PPP2R2A: variants seen among roughly 807,000 people sequenced by gnomAD.
The protein encoded by PPP2R2A is protein phosphatase 2 regulatory subunit Balpha.
PPP2R2A carries 9 observed loss-of-function variants against 53.2 expected under a neutral mutation model. The observed-to-expected ratio is 0.17, with a 90% CI of 0.10 to 0.30. The LOEUF is 0.30. Among genes scored for constraint, PPP2R2A ranks in the 10% least tolerant of loss-of-function variants. The probability of loss-of-function intolerance (pLI) is 1.00; values close to 1 mark genes in which losing one functional copy is unlikely to be tolerated. For synonymous variants in PPP2R2A, 169 were observed against 174.2 expected (o/e 0.97, Z 0.23); for missense variants, 235 against 534.6 (o/e 0.44, Z 5.53).
At chr8:26,314,263 C>T (rs1301589157) in intron 2 of PPP2R2A, among the ~76,000 whole-genome samples, 2 of 152,194 alleles carry the variant, frequency 1.3e-5, no homozygotes, top group South Asian at 4.1e-4. Context: ...TATTGAAGCA[C>T]ATCAGATGTT....
chr8:26,321,796 T>G lies in PPP2R2A; in HGVS notation c.83-17094T>G, dbSNP rs891676689. Among the ~76,000 whole-genome samples the G allele has an allele frequency of 1.3e-5, 2 of 152,188 alleles. No individual in the cohort carries two copies. Among genetic ancestry groups the G allele is most frequent in the African/African-American group, 2.4e-5 (1 of 41,446 alleles). On this transcript the variant is annotated intron_variant, in intron 2 of 9. Transcript: ENST00000380737. This position sits in a 1 kb window ranked among gnomAD's most constrained non-coding sequence, Gnocchi z 4.1. ...TCACACCTAGATTCCTGACCTGTTA[T>G]GAGATAATAAGTGTTTGTTGTTTTA...
chr8:26,364,959 G>A (rs1459039160), intron 8 of PPP2R2A: 1 of 152,120 alleles, frequency 6.6e-6, no homozygotes, highest in Non-Finnish European at 1.5e-5. Context: ...CATCCCTCGT[G>A]TATACTGAAA....
At chr8:26,363,519 T>G (rs912862559) in intron 7 of PPP2R2A, 3 of 473,792 alleles carry the variant, frequency 6.3e-6, no homozygotes, top group Non-Finnish European at 1.1e-5. Context: ...ACTGCATACT[T>G]ATGCATCTTC....
chr8:26,352,505 A>T (rs781101755), intron 3 of PPP2R2A, among the ~76,000 whole-genome samples: 3 of 152,136 alleles, frequency 2.0e-5, no homozygotes, highest in Non-Finnish European at 4.4e-5. Context: ...AAGTTCTGTT[A>T]TGATCACTTT....
At chr8:26,319,404 G>T (rs1802720648) in intron 2 of PPP2R2A, among the ~76,000 whole-genome samples, 1 of 152,070 alleles carries the variant, frequency 6.6e-6, no homozygotes, top group African/African-American at 2.4e-5. Context: ...CATAGTGGCA[G>T]CACCATTTTA....
chr8:26,307,793 C>T (rs1802089956), intron 2 of PPP2R2A, among the ~76,000 whole-genome samples: 1 of 152,160 alleles, frequency 6.6e-6, no homozygotes, highest in Non-Finnish European at 1.5e-5. Context: ...TAAATTATTA[C>T]TTTCATTTTA....
chr8:26,367,641 C>T (rs1805451084), intron 9 of PPP2R2A, among the ~76,000 whole-genome samples: 1 of 152,206 alleles, frequency 6.6e-6, no homozygotes, highest in Non-Finnish European at 1.5e-5. Context: ...TCACATGCAA[C>T]TTGTGTGCCA....
At chr8:26,364,255 G>A (rs1178196225) in intron 8 of PPP2R2A, among the ~76,000 whole-genome samples, 1 of 152,188 alleles carries the variant, frequency 6.6e-6, no homozygotes, top group Non-Finnish European at 1.5e-5. Flanking sequence ...AGGTGCACCT[G>A]CTCAGGTTGT....
Position 26,362,558 on chromosome 8 carries a change from A to C in PPP2R2A, c.638-126A>C. 1 of 848,540 alleles carries C rather than the reference A, an allele frequency of 1.2e-6. No homozygotes were observed. The highest frequency in any genetic ancestry group is 1.8e-6 in the Non-Finnish European group (1 of 558,314). 52.6% of individuals were successfully genotyped at this position (848,540 alleles called of 1,614,324 possible). ...CCCTTTGGAATTTATACTCATAAAA[A>C]CAGTGGAGTGCAATTCAGAATTAAT... On this transcript the variant is annotated intron_variant, in intron 6 of 9. Coordinates refer to ENST00000380737, the MANE Select transcript of PPP2R2A (RefSeq NM_002717.4). This position sits in a 1 kb window ranked among gnomAD's most constrained non-coding sequence, Gnocchi z 4.4.
chr8:26,293,097 C>A, intron 1 of PPP2R2A: 2 of 737,720 alleles, frequency 2.7e-6, no homozygotes. Context: ...TTGACAGTCT[C>A]TTTAGCAGCA....
At chr8:26,358,351 C>T (rs1003049562) in intron 4 of PPP2R2A, among the ~76,000 whole-genome samples, 17 of 152,142 alleles carry the variant, frequency 1.1e-4, no homozygotes, top group African/African-American at 3.9e-4. Context: ...AGAACAAATA[C>T]TTCTCAGAAT....
intron 9 of PPP2R2A, among the ~76,000 whole-genome samples, chr8:26,369,634 T>C (rs965739080): frequency 1.3e-5 from 2 of 152,196 alleles, no homozygotes; most frequent in African/African-American, 4.8e-5. Context: ...CGTCGTGATC[T>C]GCCCACCTTG....
chr8:26,333,455 C>G, intron 2 of PPP2R2A: 1 of 1,086,496 alleles, frequency 9.2e-7, no homozygotes, highest in Non-Finnish European at 1.2e-6. Context: ...ACAGTTATAA[C>G]CCTCTTTGCA....
At chr8:26,341,829 A>G (rs1461453540) in intron 3 of PPP2R2A, among the ~76,000 whole-genome samples, 2 of 152,198 alleles carry the variant, frequency 1.3e-5, no homozygotes, top group Admixed American at 6.5e-5. Context: ...TGGAAGAAGA[A>G]GAGATCATAT....
intron 2 of PPP2R2A, among the ~76,000 whole-genome samples, chr8:26,303,863 T>C (rs925124505): frequency 6.6e-6 from 1 of 152,218 alleles, no homozygotes; most frequent in Non-Finnish European, 1.5e-5. Flanking sequence ...TGTGGAATCC[T>C]TGGCAAGTCG....
chr8:26,355,690 G>A (rs964635702), intron 4 of PPP2R2A, among the ~76,000 whole-genome samples: 1 of 151,868 alleles, frequency 6.6e-6, no homozygotes, highest in Non-Finnish European at 1.5e-5. Flanking sequence ...TGGTGAAACC[G>A]TGTCTCTACT....
rs1352482650 is a variant in PPP2R2A at position 26,358,856 on chromosome 8, G to A, written c.347-1313G>A. The A allele has an allele frequency of 1.8e-5, 8 of 449,786 alleles. No individual in the cohort carries two copies. In the East Asian group the frequency reaches 2.1e-4, roughly 12 times the overall value. 27.9% of individuals were successfully genotyped at this position (449,786 alleles called of 1,614,324 possible). On this transcript the variant is annotated intron_variant, in intron 4 of 9. Transcript: ENST00000380737. The stretch of plus-strand genomic sequence containing the variant: ...CCTGCAGGAGAATTCTAAATAAGAC[G>A]TGGATACATACTCTTCCCTACAGGG...
rs533798852 is a variant in PPP2R2A at position 26,351,081 on chromosome 8, A to G, written c.181-3387A>G. Reference sequence around the variant, plus strand: ...TTGCCTTTTCATTTTTTTGAATAGTATATTTTTATAAATAGAGATTATTAA... The same window carrying G: ...TTGCCTTTTCATTTTTTTGAATAGTGTATTTTTATAAATAGAGATTATTAA... On this transcript the variant is annotated intron_variant, in intron 3 of 9. Transcript: ENST00000380737. 2.0e-5 allele frequency among the ~76,000 whole-genome samples: 3 copies of G among 152,296 alleles called. 1 individual carries two copies. Among genetic ancestry groups the G allele is most frequent in the African/African-American group, 7.2e-5 (3 of 41,582 alleles).
intron 2 of PPP2R2A, among the ~76,000 whole-genome samples, chr8:26,335,788 AT>A (rs1803625734): frequency 6.6e-6 from 1 of 152,132 alleles, no homozygotes; most frequent in Admixed American, 6.5e-5. Flanking sequence ...TGTTTCTAGG[AT>A]TCCTCACCCT....
Sources: gnomAD v4.1 joint callset for allele counts (sites outside exome capture counted in the v4.1 genomes callset) on GRCh38, gnomAD v4.1.1 for gene constraint, Gnocchi (gnomAD v3.1) non-coding constraint, MANE v1.5 for transcripts, NCBI Gene and HGNC (gene_info 2026-07-23, HGNC 2026-07-21) for gene names.